Variants in PINX1 observed in about 807,000 individuals in gnomAD.
PINX1 encodes the protein PIN2/TERF1-interacting telomerase inhibitor 1.
Under a neutral mutation model 25.4 loss-of-function variants are expected in PINX1, and 34 were observed. The observed-to-expected ratio is 1.34, with a 90% CI of 1.02 to 1.78. The LOEUF is 1.78. PINX1 is among the 40% of genes most tolerant of loss of function. PINX1 has a pLI of 0.00. For synonymous variants in PINX1, 197 were observed against 147.7 expected, an observed-to-expected ratio of 1.33 and a Z score of -2.42; for missense variants, 592 against 404.9, an observed-to-expected ratio of 1.46 and a Z score of -3.97.
At chr8:10,831,988 C>T (rs1446082078) in intron 3 of PINX1, among the ~76,000 whole-genome samples, 1 of 152,308 alleles carries the variant, frequency 6.6e-6, no homozygotes, top group East Asian at 1.9e-4. Context: ...ATGTGAATGA[C>T]TTATCGATCA....
intron 6 of PINX1, among the ~76,000 whole-genome samples, chr8:10,798,918 T>G (rs944905171): frequency 6.6e-6 from 1 of 152,330 alleles, no homozygotes; most frequent in South Asian, 2.1e-4. Flanking sequence ...TAGCTCCTCC[T>G]GGTGTTAGTT....
Position 10,765,436 on chromosome 8 carries a change from G to C in PINX1, c.952C>G (p.Leu318Val). The C allele has an allele frequency of 6.2e-7, 1 of 1,606,780 alleles. No individual in the cohort carries two copies. The highest frequency in any genetic ancestry group is 8.5e-7 in the Non-Finnish European group (1 of 1,178,008). Residue 318 changes from leucine (L) to valine (V), a missense_variant, in exon 7 of 7, where the codon CTA becomes GTA. Coordinates refer to ENST00000314787, the MANE Select transcript of PINX1 (RefSeq NM_017884.6). ...IAEDATLEET[L>V]VKKKKKKDSK The stretch of plus-strand genomic sequence containing the variant: ...TCTTTCTTCTTCTTCTTTTTCACTA[G>C]CGTTTCTTCTAGTGTAGCGTCCTCT...
At chr8:10,827,629 G>A (rs929537240) in intron 4 of PINX1, among the ~76,000 whole-genome samples, 1 of 151,906 alleles carries the variant, frequency 6.6e-6, no homozygotes, top group Non-Finnish European at 1.5e-5. Flanking sequence ...AAAAGCAGCC[G>A]GGCGCGGTGG....
chr8:10,789,321 T>C (rs531223906), intron 6 of PINX1, among the ~76,000 whole-genome samples: 2 of 152,332 alleles, frequency 1.3e-5, no homozygotes, highest in East Asian at 1.9e-4. Flanking sequence ...GAAGACTCTA[T>C]GTTTAAGGTG....
intron 6 of PINX1, among the ~76,000 whole-genome samples, chr8:10,786,197 G>A (rs1271787281): frequency 1.3e-5 from 2 of 152,168 alleles, no homozygotes; most frequent in African/African-American, 2.4e-5. Context: ...TATATTTAAA[G>A]AGACGTTACA....
chr8:10,776,848 C>A (rs905431103), intron 6 of PINX1, among the ~76,000 whole-genome samples: 7 of 152,190 alleles, frequency 4.6e-5, no homozygotes, highest in African/African-American at 1.4e-4. Context: ...ACCCTTCCCC[C>A]ACACTGCAAC....
At chr8:10,839,700 C>G in intron 1 of PINX1, 38 bp downstream of exon 1, 1 of 1,592,050 alleles carries the variant, frequency 6.3e-7, no homozygotes. Flanking sequence ...GCATCTTCAC[C>G]AACGCGCCTG....
chr8:10,798,940 A>G (rs1197394311), intron 6 of PINX1, among the ~76,000 whole-genome samples: 1 of 152,190 alleles, frequency 6.6e-6, no homozygotes, highest in Non-Finnish European at 1.5e-5. Flanking sequence ...TTCAGAAAAT[A>G]ATCAGTTTTC....
chr8:10,834,311 G>A (rs1010679649), intron 2 of PINX1: 9 of 191,876 alleles, frequency 4.7e-5, no homozygotes, highest in South Asian at 2.5e-4. Flanking sequence ...CAAAACAAGC[G>A]GCCCACTGAT....
chr8:10,831,830 C>T, intron 3 of PINX1, 87 bp from the exon 4 acceptor site: 1 of 739,820 alleles, frequency 1.4e-6, no homozygotes. Context: ...CAAGGAAATC[C>T]AGTGGTTAAT....
intron 6 of PINX1, among the ~76,000 whole-genome samples, chr8:10,781,751 C>G (rs1563206676): frequency 1.0e-5 from 1 of 98,260 alleles, no homozygotes; most frequent in South Asian, 2.8e-4. Context: ...TGCAGATTGG[C>G]ATACCCTCAA....
intron 1 of PINX1, among the ~76,000 whole-genome samples, chr8:10,835,844 T>G (rs1029663950): frequency 4.6e-5 from 7 of 152,160 alleles, no homozygotes; most frequent in African/African-American, 1.7e-4. Flanking sequence ...GGGAACTGCT[T>G]TGAATCTCAT....
intron 6 of PINX1, among the ~76,000 whole-genome samples, chr8:10,771,551 G>T (rs6601522): frequency 0.63 from 96,436 of 152,126 alleles, 31,576 homozygotes; most frequent in African/African-American, 0.78. Flanking sequence ...CATTTATGTT[G>T]CATTTGTATT....
intron 4 of PINX1, among the ~76,000 whole-genome samples, chr8:10,827,296 C>T (rs189397861): frequency 2.6e-4 from 39 of 152,264 alleles, no homozygotes; most frequent in African/African-American, 8.4e-4. Flanking sequence ...CTCCAAGCCA[C>T]CTTTTCAGGG....
intron 4 of PINX1, among the ~76,000 whole-genome samples, chr8:10,829,097 C>T (rs943365005): frequency 2.6e-5 from 4 of 152,040 alleles, no homozygotes; most frequent in Non-Finnish European, 4.4e-5. Flanking sequence ...ACCAGCCTGA[C>T]CAACATGGTG....
At chr8:10,807,877 G>C (rs898385629) in intron 6 of PINX1, among the ~76,000 whole-genome samples, 3 of 152,204 alleles carry the variant, frequency 2.0e-5, no homozygotes, top group Non-Finnish European at 4.4e-5. Context: ...CCAGCACCTA[G>C]TCCTGAGGGA....
intron 4 of PINX1, among the ~76,000 whole-genome samples, chr8:10,831,164 A>G (rs746865818): frequency 3.7e-4 from 56 of 152,242 alleles, no homozygotes; most frequent in Non-Finnish European, 6.3e-4. Flanking sequence ...AGTTTGGAGG[A>G]CATTAAGTGA....
At chr8:10,785,082 C>G (rs1325768012) in intron 6 of PINX1, among the ~76,000 whole-genome samples, 1 of 138,662 alleles carries the variant, frequency 7.2e-6, no homozygotes, top group Non-Finnish European at 1.6e-5. Context: ...AAAAAAACTT[C>G]TTTTTAGAAA....
chr8:10,832,133 A>G (rs1210376604), intron 3 of PINX1, among the ~76,000 whole-genome samples: 1 of 152,162 alleles, frequency 6.6e-6, no homozygotes, highest in Non-Finnish European at 1.5e-5. Flanking sequence ...GGACAAAAAA[A>G]TGCTCTTCTT....
Sources: gnomAD v4.1 joint callset for allele counts (sites outside exome capture counted in the v4.1 genomes callset) on GRCh38, gnomAD v4.1.1 for gene constraint, MANE v1.5 for transcripts, NCBI Gene and HGNC (gene_info 2026-07-23, HGNC 2026-07-21) for gene names.